TRIM5: variants seen among roughly 807,000 people sequenced by gnomAD.
TRIM5 encodes tripartite motif-containing protein 5.
A neutral mutation model predicts 35.6 loss-of-function variants in TRIM5; 31 were observed. The ratio of observed to expected loss-of-function variants is 0.87; its 90% CI spans 0.65 to 1.18. TRIM5 has a LOEUF of 1.18. TRIM5 is among the 50% of genes most tolerant of loss of function. TRIM5 has a pLI of 0.00. For synonymous variants in TRIM5, 243 were observed against 215.6 expected, an observed-to-expected ratio of 1.13 and a Z score of -1.11; for missense variants, 609 against 591.6, an observed-to-expected ratio of 1.03 and a Z score of -0.31.
At chr11:5,637,629 A>T in the TRIM5 span, among the ~76,000 whole-genome samples, 1 of 152,162 alleles carries the variant, frequency 6.6e-6, no homozygotes, top group African/African-American at 2.4e-5. Context: ...GGCACATTCA[A>T]TTCCATGGCA....
chr11:5,665,645 C>A lies in TRIM5; in HGVS notation c.895+11G>T. The A allele has an allele frequency of 6.4e-7, 1 of 1,557,812 alleles. No homozygotes were observed. Among genetic ancestry groups the A allele is most frequent in the Non-Finnish European group, 8.6e-7 (1 of 1,161,638 alleles). Reference sequence around the variant, plus strand: ...CGCAGGGTGGCTTATGATAATGTGACTTCTCCTTACCCCAGTAGCGTCGGA... The same window carrying A: ...CGCAGGGTGGCTTATGATAATGTGAATTCTCCTTACCCCAGTAGCGTCGGA... On this transcript the variant is annotated intron_variant, in intron 7 of 7. Coordinates refer to ENST00000380034, the MANE Select transcript of TRIM5 (RefSeq NM_033034.3).
the TRIM5 span, among the ~76,000 whole-genome samples, chr11:5,653,482 TTTTTG>T: frequency 6.7e-6 from 1 of 149,628 alleles, no homozygotes; most frequent in Non-Finnish European, 1.5e-5. Flanking sequence ...TTCCGATTTT[TTTTTG>T]TTTTTTTTGT....
At chr11:5,641,033 T>A in the TRIM5 span, 1 of 1,289,774 alleles carries the variant, frequency 7.8e-7, no homozygotes, top group African/African-American at 1.5e-5. Flanking sequence ...AGCTAAATGT[T>A]TGCCAATTTT....
At chr11:5,596,997 C>A in the TRIM5 span, 1 of 1,600,596 alleles carries the variant, frequency 6.2e-7, no homozygotes, top group Middle Eastern at 1.7e-4. Flanking sequence ...AGGTCCTTTC[C>A]CTTTCGGAAC....
the TRIM5 span, chr11:5,643,184 T>C: frequency 6.3e-7 from 1 of 1,593,896 alleles, no homozygotes; most frequent in East Asian, 2.3e-5. Context: ...ATTTGAATCT[T>C]GTCCTTTCAG....
chr11:5,605,218 C>G, the TRIM5 span: 1 of 1,338,200 alleles, frequency 7.5e-7, no homozygotes, highest in Non-Finnish European at 1.1e-6. Flanking sequence ...CATTTACCCT[C>G]CCTCTCCCTG....
chr11:5,665,901 G>T (rs2134022722), intron 6 of TRIM5, 80 bp downstream of exon 6: 3 of 1,420,548 alleles, frequency 2.1e-6, no homozygotes, highest in East Asian at 2.3e-5. Flanking sequence ...TCCATATTTG[G>T]AAACTGCACC....
chr11:5,622,587 C>G, the TRIM5 span, among the ~76,000 whole-genome samples: 2 of 152,112 alleles, frequency 1.3e-5, no homozygotes, highest in African/African-American at 4.8e-5. Flanking sequence ...CATTGCACTC[C>G]AGTCTGGGCG....
the TRIM5 span, chr11:5,632,891 C>T: frequency 1.7e-6 from 2 of 1,201,776 alleles, no homozygotes; most frequent in Non-Finnish European, 2.1e-6. Context: ...CAGTGGCGTG[C>T]TCTCGGCTCA....
At chr11:5,611,247 ACTTTCTCTAAATATTACTTTCCCACTACT>A in the TRIM5 span, 13 of 1,613,928 alleles carry the variant, frequency 8.1e-6, no homozygotes, top group Non-Finnish European at 1.0e-5. Context: ...CCCCATCTAC[ACTTTCTCTAAATATTACTTTCCCACTACT>A]CTTTGTCCAT....
chr11:5,632,234 AT>A, the TRIM5 span: 1 of 1,576,770 alleles, frequency 6.3e-7, no homozygotes, highest in Non-Finnish European at 8.6e-7. Flanking sequence ...TTCTTATACC[AT>A]CCCCTTTCAA....
chr11:5,608,251 G>A, the TRIM5 span: 1 of 1,432,734 alleles, frequency 7.0e-7, no homozygotes. Flanking sequence ...CTACTTTGTG[G>A]CCTCCACATT....
the TRIM5 span, among the ~76,000 whole-genome samples, chr11:5,627,638 A>G: frequency 2.0e-5 from 3 of 152,204 alleles, no homozygotes; most frequent in Non-Finnish European, 4.4e-5. Context: ...GGAGAGAGTC[A>G]TTAATGTGGT....
chr11:5,656,631 G>C, the TRIM5 span, among the ~76,000 whole-genome samples: 1 of 152,070 alleles, frequency 6.6e-6, no homozygotes, highest in Non-Finnish European at 1.5e-5. Context: ...TGGGATTATA[G>C]GCGTGAGCCA....
chr11:5,592,926 AAAAAGAAAAAAG>A, the TRIM5 span, among the ~76,000 whole-genome samples: 20,333 of 131,088 alleles, frequency 0.16, 1,696 homozygotes, highest in Middle Eastern at 0.26. Context: ...AAAAAAAAAA[AAAAAGAAAAAAG>A]AAAAAGAAAA....
the TRIM5 span, among the ~76,000 whole-genome samples, chr11:5,635,282 G>T: frequency 6.9e-6 from 1 of 144,212 alleles, no homozygotes; most frequent in Non-Finnish European, 1.5e-5. Flanking sequence ...TTGAGACGGA[G>T]TCTCGCTCTG....
the TRIM5 span, among the ~76,000 whole-genome samples, chr11:5,607,203 CA>C: frequency 2.1e-4 from 31 of 146,036 alleles, no homozygotes; most frequent in Non-Finnish European, 3.0e-4. Flanking sequence ...GACTCCATCT[CA>C]AAAAAAAAAA....
chr11:5,623,727 T>C, the TRIM5 span, among the ~76,000 whole-genome samples: 1 of 152,058 alleles, frequency 6.6e-6, no homozygotes, highest in Non-Finnish European at 1.5e-5. Flanking sequence ...TGCACTAACC[T>C]GATAGTAATT....
chr11:5,622,737 A>G, the TRIM5 span, among the ~76,000 whole-genome samples: 1 of 152,226 alleles, frequency 6.6e-6, no homozygotes. Flanking sequence ...ACACATCTCA[A>G]CACATGCTTT....
Sources: gnomAD v4.1 joint callset for allele counts (sites outside exome capture counted in the v4.1 genomes callset) on GRCh38, gnomAD v4.1.1 for gene constraint, MANE v1.5 for transcripts, NCBI Gene and HGNC (gene_info 2026-07-23, HGNC 2026-07-21) for gene names.